The following MAGI1 variants were observed in gnomAD, a reference collection of about 807,000 sequenced individuals.
MAGI1 encodes membrane associated guanylate kinase, WW and PDZ domain containing 1, also known as membrane-associated guanylate kinase, WW and PDZ domain-containing protein 1.
Under a neutral mutation model 139.9 loss-of-function variants are expected in MAGI1, and 58 were observed. That is an observed-to-expected ratio of 0.41 (90% CI 0.34 to 0.52). The LOEUF (loss-of-function observed/expected upper bound fraction) is 0.52. MAGI1 is among the 20% of genes least tolerant of loss of function. The pLI is 0.12. For missense variants in MAGI1, 1,874 were observed against 1,901.6 expected, an observed-to-expected ratio of 0.99 and a Z score of 0.27; for synonymous variants, 812 against 737.9, an observed-to-expected ratio of 1.10 and a Z score of -1.63.
At chr3:65,468,560 A>G (rs576234317) in intron 5 of MAGI1, among the ~76,000 whole-genome samples, 1 of 151,796 alleles carries the variant, frequency 6.6e-6, no homozygotes, top group African/African-American at 2.4e-5. Context: ...ATTTTTAAAT[A>G]GAGATGGAGT....
intron 1 of MAGI1, among the ~76,000 whole-genome samples, chr3:65,887,855 A>C (rs2060593068): frequency 6.6e-6 from 1 of 152,180 alleles, no homozygotes; most frequent in Non-Finnish European, 1.5e-5. Context: ...TTATTTCCAC[A>C]CAAGAGAACA....
intron 2 of MAGI1, among the ~76,000 whole-genome samples, chr3:65,559,633 C>T (rs775670075): frequency 3.8e-4 from 58 of 152,198 alleles, no homozygotes; most frequent in Non-Finnish European, 7.6e-4. Flanking sequence ...GTCCACACTC[C>T]TACAAGGTAG....
chr3:65,917,562 A>G (rs1424841278), intron 1 of MAGI1, among the ~76,000 whole-genome samples: 4 of 152,230 alleles, frequency 2.6e-5, no homozygotes, highest in Admixed American at 2.6e-4. Context: ...TGAATGGATA[A>G]AAGAACTATG....
At chr3:65,923,410 A>G (rs1275997053) in intron 1 of MAGI1, among the ~76,000 whole-genome samples, 1 of 151,918 alleles carries the variant, frequency 6.6e-6, no homozygotes, top group Non-Finnish European at 1.5e-5. Flanking sequence ...TATTTTTAGT[A>G]GAGATGGGGT....
At chr3:65,374,420 C>T (rs887298509) in intron 18 of MAGI1, among the ~76,000 whole-genome samples, 4 of 147,210 alleles carry the variant, frequency 2.7e-5, no homozygotes, top group Non-Finnish European at 4.4e-5. Context: ...CAGGCTCAAG[C>T]GATTCTTCTG....
At chr3:65,685,460 A>T (rs911316727) in intron 1 of MAGI1, among the ~76,000 whole-genome samples, 1 of 152,190 alleles carries the variant, frequency 6.6e-6, no homozygotes, top group Non-Finnish European at 1.5e-5. Flanking sequence ...TATCGTTTTC[A>T]TATTCCAGTG....
chr3:65,829,252 T>C (rs1222586434), intron 1 of MAGI1, among the ~76,000 whole-genome samples: 3 of 152,188 alleles, frequency 2.0e-5, no homozygotes, highest in Non-Finnish European at 2.9e-5. Context: ...CTGAACACCT[T>C]CTTAGCCTCT....
chr3:65,375,165 A>G (rs1368516341), intron 18 of MAGI1, among the ~76,000 whole-genome samples: 6 of 151,968 alleles, frequency 3.9e-5, no homozygotes, highest in Non-Finnish European at 8.8e-5. Flanking sequence ...AAGTTGAGGA[A>G]AGGGTGAAGA....
chr3:65,794,332 A>C (rs1480197967), intron 1 of MAGI1, among the ~76,000 whole-genome samples: 1 of 152,170 alleles, frequency 6.6e-6, no homozygotes, highest in African/African-American at 2.4e-5. Context: ...TCAAAACTCA[A>C]CAGCACCTTT....
chr3:65,882,402 T>C (rs917309828), intron 1 of MAGI1, among the ~76,000 whole-genome samples: 3 of 152,172 alleles, frequency 2.0e-5, no homozygotes, highest in Non-Finnish European at 2.9e-5. Context: ...TGTTCACCTC[T>C]GGGTGAATAG....
intron 1 of MAGI1, among the ~76,000 whole-genome samples, chr3:66,010,740 C>A (rs1027638454): frequency 6.6e-6 from 1 of 152,120 alleles, no homozygotes; most frequent in African/African-American, 2.4e-5. Flanking sequence ...GTCCCATAAC[C>A]CCTACATGAA....
At chr3:65,673,505 T>C (rs6770542) in intron 1 of MAGI1, among the ~76,000 whole-genome samples, 4,316 of 152,320 alleles carry the variant, frequency 0.028, 198 homozygotes, top group African/African-American at 0.095. Flanking sequence ...GCATATTACC[T>C]TGGATACCTA....
rs1949121500 is a variant in MAGI1 at position 65,452,860 on chromosome 3, T to C, written c.1042+398A>G. 5 of 170,920 alleles carry C rather than the reference T, an allele frequency of 2.9e-5. No individual in the cohort carries two copies. In the South Asian group the frequency reaches 7.4e-4, roughly 25 times the overall value. The allele number at this position is 170,920 out of a possible 1,614,324, so 10.6% of individuals were successfully genotyped here. ...GAAATATGTACAGTTCAAGAAAAAC[T>C]CCCAACTTTTCCCCCTAAGACTTTT... On this transcript the variant is annotated intron_variant, in intron 6 of 22. Coordinates refer to ENST00000402939, the MANE Select transcript of MAGI1 (RefSeq NM_001033057.2).
chr3:65,926,271 T>A (rs2062498255), intron 1 of MAGI1, among the ~76,000 whole-genome samples: 1 of 151,928 alleles, frequency 6.6e-6, no homozygotes, highest in African/African-American at 2.4e-5. Flanking sequence ...AATAAAAGAA[T>A]GTTATTGTTA....
rs188532567 is a variant in MAGI1 at position 65,532,526 on chromosome 3, C to T, written c.431-38895G>A. 3.9e-5 allele frequency among the ~76,000 whole-genome samples: 6 copies of T among 152,304 alleles called. No individual in the cohort carries two copies. In the South Asian group the frequency reaches 6.2e-4, roughly 16 times the overall value. ...GGGATCTAAGCAGAAGTATGTGTAACTTTCAGGAAAAGACCTTAAATAGAG... is the reference window on the plus strand; with the variant it reads ...GGGATCTAAGCAGAAGTATGTGTAATTTTCAGGAAAAGACCTTAAATAGAG... On this transcript the variant is annotated intron_variant, in intron 2 of 22. Transcript: ENST00000402939.
chr3:65,470,223 G>C, intron 5 of MAGI1, 60 bp downstream of exon 5: 1 of 1,216,192 alleles, frequency 8.2e-7, no homozygotes, highest in Admixed American at 1.8e-5. Flanking sequence ...CTGCTAGACA[G>C]AGGGAAGGAA....
intron 1 of MAGI1, among the ~76,000 whole-genome samples, chr3:66,023,243 A>G (rs28415051): frequency 0.033 from 5,026 of 152,230 alleles, 287 homozygotes; most frequent in African/African-American, 0.12. Flanking sequence ...ATGGAAATGG[A>G]GGGGGAAAGG....
chr3:65,797,803 C>T (rs190881367), intron 1 of MAGI1, among the ~76,000 whole-genome samples: 57 of 152,154 alleles, frequency 3.7e-4, no homozygotes, highest in African/African-American at 9.4e-4. Flanking sequence ...ATCCAGAGCA[C>T]GGACAGGAAA....
At chr3:65,742,527 T>G (rs191899323) in intron 1 of MAGI1, among the ~76,000 whole-genome samples, 1 of 152,288 alleles carries the variant, frequency 6.6e-6, no homozygotes, top group East Asian at 1.9e-4. Flanking sequence ...TCCTCATCGC[T>G]GAAATAAAGA....
Sources: gnomAD v4.1 joint callset for allele counts (sites outside exome capture counted in the v4.1 genomes callset) on GRCh38, gnomAD v4.1.1 for gene constraint, MANE v1.5 for transcripts, NCBI Gene and HGNC (gene_info 2026-07-23, HGNC 2026-07-21) for gene names.